Variants in LCE3E observed in about 807,000 individuals in gnomAD.
LCE3E encodes late cornified envelope 3E.
For synonymous variants in LCE3E, 40 were observed against 47.0 expected (o/e 0.85, Z 0.61); for missense variants, 133 against 120.0 (o/e 1.11, Z -0.51).
Position 152,565,945 on chromosome 1 carries a change from A to C in LCE3E, c.264T>G (p.Ser88=). Residue 88 remains serine (S), a synonymous_variant, in exon 2 of 2, where the codon TCT becomes TCG. Coordinates refer to ENST00000368789, the MANE Select transcript of LCE3E (RefSeq NM_178435.4). ...AGGATCTGGATCAGCAGCAGCCCCC[A>C]GAACCGTGGCAGCAGCCAGAGCCCC... ...QGGGSGCCHG[S]GGCC The C allele has an allele frequency of 6.2e-7, 1 of 1,613,652 alleles. No homozygotes were observed. The highest frequency in any genetic ancestry group is 1.3e-5 in the African/African-American group (1 of 75,014).
rs370189493 is a variant in LCE3E, at chr1:152,566,078, C to T, written c.131G>A (p.Cys44Tyr). The T allele has an allele frequency of 6.2e-7, 1 of 1,613,836 alleles. No individual in the cohort carries two copies. Among genetic ancestry groups the T allele is most frequent in the South Asian group, 1.1e-5 (1 of 91,084 alleles). Residue 44 changes from cysteine to tyrosine, a missense_variant, in exon 2 of 2, where the codon TGT becomes TAT. Physicochemically the swap from Cys to Tyr is radical, Grantham distance 194. Coordinates refer to ENST00000368789, the MANE Select transcript of LCE3E (RefSeq NM_178435.4). ...SSGCAPSSGG[C>Y]GPSSEGGCFL... ...GCAGCCGCCCTCGGAGCTAGGGCCA[C>T]AGCCCCCAGAGCTTGGGGCACAGCC...
Position 152,566,317 on chromosome 1 carries a change from G to C in LCE3E, c.-21-88C>G, listed in dbSNP as rs369279987. The C allele has an allele frequency of 4.1e-5, 57 of 1,390,230 alleles. 1 individual carries two copies. In the East Asian group the frequency reaches 5.7e-4, roughly 14 times the overall value. The allele number at this position is 1,390,230 out of a possible 1,614,324, so 86.1% of individuals were successfully genotyped here. A position where few individuals can be genotyped will look rare whatever the true frequency, so the allele number is the denominator to read the frequency against. Reference sequence around the variant, plus strand: ...GCCTCCTGAGGCAAGAGCTGCAAGAGGGTGAGGGAAGCTGATGTGGAGCTG... The same window carrying C: ...GCCTCCTGAGGCAAGAGCTGCAAGACGGTGAGGGAAGCTGATGTGGAGCTG... On this transcript the variant is annotated intron_variant, in intron 1 of 1. Transcript: ENST00000368789.
Position 152,566,228 on chromosome 1 carries a change from T to A in LCE3E, c.-20A>T. 6.2e-7 allele frequency: 1 copy of A among 1,612,666 alleles called. No homozygotes were observed. The highest frequency in any genetic ancestry group is 8.5e-7 in the Non-Finnish European group (1 of 1,179,732). ...GGACATCTTGGCAGGAGTTGAGATG[T>A]CCTGGAGAAAACGAAGCCACTTCTT... On this transcript the variant is annotated splice_region_variant and 5_prime_UTR_variant, in exon 2 of 2. Coordinates refer to ENST00000368789, the MANE Select transcript of LCE3E (RefSeq NM_178435.4).
At chr1:152,566,438 C>G (rs780853598) in intron 1 of LCE3E, among the ~76,000 whole-genome samples, 6 of 151,926 alleles carry the variant, frequency 3.9e-5, no homozygotes, top group Non-Finnish European at 8.8e-5. Context: ...TCCAAAGAAC[C>G]CCTAGGGAAT....
rs530968216 is a variant in LCE3E, at chr1:152,566,018, C to G, written c.191G>C (p.Arg64Pro). The change falls in exon 2 of 2, where the codon CGG becomes CCG. Residue 64 changes from arginine (R) to proline (P), a missense_variant. Arg to Pro is a moderately radical substitution (Grantham distance 103). Coordinates refer to ENST00000368789, the MANE Select transcript of LCE3E (RefSeq NM_178435.4). ...GTCACAGGAGTTGGACCTCTGGCGC[C>G]GGCATCGGTGGTGGCGCCTGTGGTG... is the stretch of plus-strand genomic sequence containing the variant. ...LNHHRRHHRCRRQRSNSCDRG... is the reference protein window; with the variant it reads ...LNHHRRHHRCPRQRSNSCDRG... 4.3e-6 allele frequency: 7 copies of G among 1,613,822 alleles called. No homozygotes were observed. Among genetic ancestry groups the G allele is most frequent in the African/African-American group, 4.0e-5 (3 of 75,024 alleles).
chr1:152,565,909 G>T lies in LCE3E; in HGVS notation c.*21C>A. 6.2e-7 allele frequency: 1 copy of T among 1,610,192 alleles called. No individual in the cohort carries two copies. The highest frequency in any genetic ancestry group is 1.1e-5 in the South Asian group (1 of 90,858). On this transcript the variant is annotated 3_prime_UTR_variant, in exon 2 of 2. Transcript: ENST00000368789. ...TTCTTGTTTCCTCCAAAGATCGCTT[G>T]TCTCAGCATCAGGATCTGGATCAGC...
chr1:152,566,584 G>C (rs1322071240), intron 1 of LCE3E, among the ~76,000 whole-genome samples, 154 bp downstream of exon 1: 1 of 151,962 alleles, frequency 6.6e-6, no homozygotes, highest in African/African-American at 2.4e-5. Flanking sequence ...TTCCTGCAGG[G>C]TCTCCCTCCT....
At position 152,565,795 on chromosome 1, in the gene LCE3E, C is replaced by T. The variant is rs868513051; in HGVS notation, c.*135G>A. ...TTCTGGGGAGAGCTCAGATCCCCCA[C>T]AGGAAAACCTCCAGCTCAGCCTGTG... On this transcript the variant is annotated 3_prime_UTR_variant, in exon 2 of 2. Coordinates refer to ENST00000368789, the MANE Select transcript of LCE3E (RefSeq NM_178435.4). 2.1e-5 allele frequency: 28 copies of T among 1,346,110 alleles called. 1 individual carries two copies. In the African/African-American group the frequency reaches 2.5e-4, roughly 12 times the overall value. The allele number at this position is 1,346,110 out of a possible 1,614,324, so 83.4% of individuals were successfully genotyped here. A position where few individuals can be genotyped will look rare whatever the true frequency, so the allele number is the denominator to read the frequency against.
chr1:152,565,930 T>C lies in LCE3E; in HGVS notation c.279A>G (p.Ter93TrpextTer4). ...GCCHGSGGCC* is the reference protein window; with the variant it reads ...GCCHGSGGCCW ...GCTTGTCTCAGCATCAGGATCTGGA[T>C]CAGCAGCAGCCCCCAGAACCGTGGC... is the stretch of plus-strand genomic sequence containing the variant. Residue 93 changes from the stop codon to tryptophan, a stop_lost, in exon 2 of 2, where the codon TGA (stop) becomes TGG (tryptophan). Transcript: ENST00000368789. 1 of 1,613,068 alleles carries C rather than the reference T, an allele frequency of 6.2e-7. No homozygotes were observed. The highest frequency in any genetic ancestry group is 8.5e-7 in the Non-Finnish European group (1 of 1,179,736).
Position 152,565,671 on chromosome 1 carries a change from T to A in LCE3E, c.*259A>T. ...GCTGGTGGTAATGAGGACAAGGAAC[T>A]TTATCTTTTTTACGAGGTTGGGCAC... On this transcript the variant is annotated 3_prime_UTR_variant, in exon 2 of 2. Transcript: ENST00000368789. The A allele has an allele frequency of 1.8e-6, 1 of 563,120 alleles. No individual in the cohort carries two copies. The highest frequency in any genetic ancestry group is 3.1e-6 in the Non-Finnish European group (1 of 319,734). The allele number at this position is 563,120 out of a possible 1,614,324, so 34.9% of individuals were successfully genotyped here. A position where few individuals can be genotyped will look rare whatever the true frequency, so the allele number is the denominator to read the frequency against.
At position 152,565,990 on chromosome 1, in the gene LCE3E, C is replaced by T. The variant is rs1557780290; in HGVS notation, c.219G>A (p.Arg73=). 2 of 1,613,812 alleles carry T rather than the reference C, an allele frequency of 1.2e-6. No homozygotes were observed. Among genetic ancestry groups the T allele is most frequent in the Non-Finnish European group, 1.7e-6 (2 of 1,180,032 alleles). ...AGCCCCCGCCTTGCTGACCACTGCCCCTGTCACAGGAGTTGGACCTCTGGC... is the reference window on the plus strand; with the variant it reads ...AGCCCCCGCCTTGCTGACCACTGCCTCTGTCACAGGAGTTGGACCTCTGGC... ...CRRQRSNSCD[R]GSGQQGGGSG... Residue 73 remains arginine, a synonymous_variant, in exon 2 of 2, where the codon AGG becomes AGA. Transcript: ENST00000368789.
rs188380790 is a variant in LCE3E at position 152,566,065 on chromosome 1, G to A, written c.144C>T (p.Ser48=). The change falls in exon 2 of 2, where the codon TCC becomes TCT. Residue 48 remains serine (S), a synonymous_variant. Transcript: ENST00000368789. The part of the protein sequence containing the change: ...APSSGGCGPS[S]EGGCFLNHHR... ...GGTGGTTCAGGAAGCAGCCGCCCTC[G>A]GAGCTAGGGCCACAGCCCCCAGAGC... The A allele has an allele frequency of 1.1e-4, 181 of 1,613,754 alleles. No individual in the cohort carries two copies. In the East Asian group the frequency reaches 2.4e-3, roughly 22 times the overall value.
Position 152,565,853 on chromosome 1 carries a change from G to A in LCE3E, c.*77C>T, listed in dbSNP as rs765158554. The A allele has an allele frequency of 4.6e-5, 72 of 1,561,218 alleles. No homozygotes were observed. The highest frequency in any genetic ancestry group is 1.1e-4 in the South Asian group (9 of 82,638). On this transcript the variant is annotated 3_prime_UTR_variant, in exon 2 of 2. Coordinates refer to ENST00000368789, the MANE Select transcript of LCE3E (RefSeq NM_178435.4). ...GAAGAGGGTATATGGGAAGGCATGC[G>A]TCAGATGGGGCTGTTCTTGGCCTCT...
chr1:152,566,039 T>C lies in LCE3E; in HGVS notation c.170A>G (p.His57Arg), dbSNP rs547031465. ...GCGCCGGCATCGGTGGTGGCGCCTG[T>C]GGTGGTTCAGGAAGCAGCCGCCCTC... Reference protein sequence around the residue: ...SSEGGCFLNHHRRHHRCRRQR... With the variant: ...SSEGGCFLNHRRRHHRCRRQR... Residue 57 changes from histidine (H) to arginine (R), a missense_variant, in exon 2 of 2, where the codon CAC (histidine) becomes CGC (arginine). His to Arg is a conservative substitution (Grantham distance 29, BLOSUM62 0). Transcript: ENST00000368789. 1 of 1,613,546 alleles carries C rather than the reference T, an allele frequency of 6.2e-7. No homozygotes were observed. The highest frequency in any genetic ancestry group is 1.1e-5 in the South Asian group (1 of 91,048).
At chr1:152,566,251 C>T (rs1259761489) in intron 1 of LCE3E, 22 bp from the exon 2 acceptor site, 3 of 1,605,982 alleles carry the variant, frequency 1.9e-6, no homozygotes, top group Non-Finnish European at 2.5e-6. Flanking sequence ...GAAGCCACTT[C>T]TTAGTTCAAA....
chr1:152,566,655 C>T (rs551642149), intron 1 of LCE3E, 83 bp downstream of exon 1: 30 of 188,348 alleles, frequency 1.6e-4, no homozygotes, highest in South Asian at 9.2e-4. Flanking sequence ...TTTCAAACCT[C>T]TCTGTTTCCA....
At chr1:152,566,572 AGTTCCTGCAGG>A (rs1237437870) in intron 1 of LCE3E, among the ~76,000 whole-genome samples, 155 bp downstream of exon 1, 1 of 152,038 alleles carries the variant, frequency 6.6e-6, no homozygotes, top group East Asian at 1.9e-4. Context: ...AATTGCTGTC[AGTTCCTGCAGG>A]GTCTCCCTCC....
At position 152,565,909 on chromosome 1, in the gene LCE3E, G is replaced by A. The variant is rs2101770872; in HGVS notation, c.*21C>T. The A allele has an allele frequency of 6.2e-7, 1 of 1,610,192 alleles. No individual in the cohort carries two copies. The highest frequency in any genetic ancestry group is 1.7e-4 in the Middle Eastern group (1 of 6,024). On this transcript the variant is annotated 3_prime_UTR_variant, in exon 2 of 2. Transcript: ENST00000368789. ...TTCTTGTTTCCTCCAAAGATCGCTT[G>A]TCTCAGCATCAGGATCTGGATCAGC...
Position 152,565,727 on chromosome 1 carries a change from G to T in LCE3E, c.*203C>A, listed in dbSNP as rs567351244. On this transcript the variant is annotated 3_prime_UTR_variant, in exon 2 of 2. Coordinates refer to ENST00000368789, the MANE Select transcript of LCE3E (RefSeq NM_178435.4). ...CTGCCAATCCTTGGCAGGTACAGGG[G>T]TAGGGGGACATATGACATCCTGTAC... 7.1e-6 allele frequency: 5 copies of T among 706,530 alleles called. No homozygotes were observed. Among genetic ancestry groups the T allele is most frequent in the Non-Finnish European group, 1.2e-5 (5 of 432,914 alleles). 43.8% of individuals were successfully genotyped at this position (706,530 alleles called of 1,614,324 possible). A position where few individuals can be genotyped will look rare whatever the true frequency, so the allele number is the denominator to read the frequency against.
Sources: gnomAD v4.1 joint callset for allele counts (sites outside exome capture counted in the v4.1 genomes callset) on GRCh38, gnomAD v4.1.1 for gene constraint, MANE v1.5 for transcripts, NCBI Gene and HGNC (gene_info 2026-07-23, HGNC 2026-07-21) for gene names.